Variants in TRIP12 observed in about 807,000 individuals in gnomAD.
The protein encoded by TRIP12 is thyroid hormone receptor interactor 12.
A neutral mutation model predicts 244.2 loss-of-function variants in TRIP12; 25 were observed. The ratio of observed to expected loss-of-function variants is 0.10; its 90% CI spans 0.07 to 0.14. TRIP12 has a LOEUF of 0.14. Among genes scored for constraint, TRIP12 ranks in the 10% least tolerant of loss-of-function variants. The pLI is 1.00. For missense variants in TRIP12, 1,677 were observed against 2,486.4 expected, an observed-to-expected ratio of 0.67 and a Z score of 6.92; for synonymous variants, 905 against 873.1, an observed-to-expected ratio of 1.04 and a Z score of -0.64.
At chr2:229,807,113 C>T (rs1321054472) in intron 17 of TRIP12, among the ~76,000 whole-genome samples, 2 of 152,112 alleles carry the variant, frequency 1.3e-5, no homozygotes, top group Non-Finnish European at 2.9e-5. Context: ...TTGGTACATT[C>T]CTCCCCTTTG....
intron 2 of TRIP12, among the ~76,000 whole-genome samples, chr2:229,865,681 T>C (rs1479866107): frequency 6.6e-6 from 1 of 152,204 alleles, no homozygotes; most frequent in Non-Finnish European, 1.5e-5. Flanking sequence ...TATAACATTA[T>C]AGTTTTGTCT....
intron 18 of TRIP12, 51 bp from the exon 19 acceptor site, chr2:229,804,278 G>T: frequency 1.4e-6 from 2 of 1,445,024 alleles, no homozygotes; most frequent in Non-Finnish European, 1.9e-6. Flanking sequence ...ACAGACTTCA[G>T]AAACACAATA....
chr2:229,922,710 C>T (rs2076779553), upstream of TRIP12: 5 of 1,219,596 alleles, frequency 4.1e-6, no homozygotes, highest in Non-Finnish European at 5.8e-6. Flanking sequence ...CCGTAGCCCG[C>T]CGGAAGCGCC....
At chr2:229,773,816 A>G in intron 38 of TRIP12, 1 of 266,298 alleles carries the variant, frequency 3.8e-6, no homozygotes, top group Non-Finnish European at 7.1e-6. Context: ...AACACAAATA[A>G]TGTCTCTTTT....
Position 229,864,047 on chromosome 2 carries a change from A to AGT in TRIP12, c.99-3518_99-3517dup, listed in dbSNP as rs371818159. Among the ~76,000 whole-genome samples, 156 of 79,282 alleles carry AGT rather than the reference A, an allele frequency of 2.0e-3. 2 individuals carry two copies. Among genetic ancestry groups the AGT allele is most frequent in the African/African-American group, 2.3e-3 (48 of 20,584 alleles). 52.0% of individuals were successfully genotyped at this position (79,282 alleles called of 152,430 possible). On this transcript the variant is annotated intron_variant, in intron 2 of 41. Transcript: ENST00000675903. ...GAGAGAGAGAGAGAGAGAGAGAGAGAGTGTGTGTGTGTGTGTGTGTGTGTG... is the reference window on the plus strand; with the variant it reads ...GAGAGAGAGAGAGAGAGAGAGAGAGAGTGTGTGTGTGTGTGTGTGTGTGTGTG...
At chr2:229,816,129 A>ACC (rs1187309068) in intron 9 of TRIP12, among the ~76,000 whole-genome samples, 1 of 152,116 alleles carries the variant, frequency 6.6e-6, no homozygotes, top group Non-Finnish European at 1.5e-5. Context: ...CTTGTTAAGT[A>ACC]CCCTTCAATT....
intron 34 of TRIP12, among the ~76,000 whole-genome samples, chr2:229,783,580 A>G (rs2038997839): frequency 6.6e-6 from 1 of 152,216 alleles, no homozygotes. Flanking sequence ...GAAACAAAAT[A>G]TGTGCAAGAA....
rs769414106 is a variant in TRIP12 at position 229,840,909 on chromosome 2, T to C, written c.1046A>G (p.Lys349Arg). 2 of 1,604,338 alleles carry C rather than the reference T, an allele frequency of 1.2e-6. No homozygotes were observed. Among genetic ancestry groups the C allele is most frequent in the Admixed American group, 3.5e-5 (2 of 56,968 alleles). ...AGCAGGTGGAGACTCACTGCGTTTC[T>C]TCGTAGATTTTCTTAAACCTATCCA... ...AKLASLRKST[K>R]KRSESPPAEL... The change falls in exon 5 of 42, where the codon AAG (lysine) becomes AGG (arginine). Residue 349 changes from lysine (K) to arginine (R), a missense_variant. By Grantham distance (26) the Lys-to-Arg change is conservative. Coordinates refer to ENST00000675903, the MANE Select transcript of TRIP12 (RefSeq NM_001348323.3).
chr2:229,857,507 T>A (rs1292461366), intron 4 of TRIP12, among the ~76,000 whole-genome samples: 1 of 152,016 alleles, frequency 6.6e-6, no homozygotes, highest in Non-Finnish European at 1.5e-5. Flanking sequence ...CGCACACTTG[T>A]AATCTCAGCT....
chr2:229,883,563 T>C (rs1395143267), intron 1 of TRIP12, among the ~76,000 whole-genome samples: 3 of 152,290 alleles, frequency 2.0e-5, no homozygotes, highest in African/African-American at 4.8e-5. Flanking sequence ...AATCCTGAAA[T>C]ACACTAGTCT....
intron 1 of TRIP12, among the ~76,000 whole-genome samples, chr2:229,883,057 G>A (rs763668157): frequency 1.3e-5 from 2 of 152,176 alleles, no homozygotes; most frequent in South Asian, 4.1e-4. Flanking sequence ...ACATATGATG[G>A]ATACAGGATC....
chr2:229,865,827 C>T (rs573305557), intron 2 of TRIP12, among the ~76,000 whole-genome samples: 2 of 152,154 alleles, frequency 1.3e-5, no homozygotes, highest in Non-Finnish European at 2.9e-5. Context: ...CCCTGTAAAA[C>T]GCACTGTTTT....
At chr2:229,786,657 T>G (rs975537364) in intron 33 of TRIP12, among the ~76,000 whole-genome samples, 6 of 146,756 alleles carry the variant, frequency 4.1e-5, no homozygotes, top group Admixed American at 7.1e-5. Flanking sequence ...GACCTCATGA[T>G]CCGCCCGCCT....
chr2:229,809,744 A>G (rs985025435), intron 15 of TRIP12, among the ~76,000 whole-genome samples: 3 of 152,220 alleles, frequency 2.0e-5, no homozygotes, highest in African/African-American at 4.8e-5. Flanking sequence ...CCAAGTTTGG[A>G]AAAGACTCAA....
chr2:229,771,761 T>C, intron 38 of TRIP12, 129 bp from the exon 39 acceptor site: 1 of 602,246 alleles, frequency 1.7e-6, no homozygotes, highest in Non-Finnish European at 2.9e-6. Context: ...ATTAAGACTT[T>C]AAAATAATCT....
At chr2:229,790,909 A>G (rs578122272) in intron 30 of TRIP12, among the ~76,000 whole-genome samples, 2 of 152,130 alleles carry the variant, frequency 1.3e-5, no homozygotes, top group East Asian at 3.9e-4. Flanking sequence ...TTTTTTCCCA[A>G]TTTTCCTTCC....
intron 6 of TRIP12, among the ~76,000 whole-genome samples, chr2:229,836,105 C>T (rs372401385): frequency 5.3e-5 from 8 of 152,192 alleles, no homozygotes; most frequent in African/African-American, 1.7e-4. Context: ...AAAATGACAA[C>T]GTATCCTAAT....
Position 229,809,500 on chromosome 2 carries a change from C to A in TRIP12, c.2222-1131G>T, listed in dbSNP as rs78983310. Reference sequence around the variant, plus strand: ...AAATGTTAAAACAAAAGGCAGGCAGCAATTTCCCAAACTAGTATTTAGGGA... The same window carrying A: ...AAATGTTAAAACAAAAGGCAGGCAGAAATTTCCCAAACTAGTATTTAGGGA... On this transcript the variant is annotated intron_variant, in intron 15 of 41. Coordinates refer to ENST00000675903, the MANE Select transcript of TRIP12 (RefSeq NM_001348323.3). 8.2e-3 allele frequency among the ~76,000 whole-genome samples: 1,253 copies of A among 152,226 alleles called. 52 individuals carry two copies. Among genetic ancestry groups the A allele is most frequent in the Admixed American group, 0.065 (996 of 15,286 alleles).
chr2:229,840,697 C>A, intron 5 of TRIP12, 125 bp downstream of exon 5: 1 of 731,220 alleles, frequency 1.4e-6, no homozygotes, highest in South Asian at 2.3e-5. Context: ...AGCAAGACTC[C>A]GTCAAAAAAC....
Sources: gnomAD v4.1 joint callset for allele counts (sites outside exome capture counted in the v4.1 genomes callset) on GRCh38, gnomAD v4.1.1 for gene constraint, MANE v1.5 for transcripts, NCBI Gene and HGNC (gene_info 2026-07-23, HGNC 2026-07-21) for gene names.